PTPRD: variants seen among roughly 807,000 people sequenced by gnomAD.
PTPRD encodes receptor-type tyrosine-protein phosphatase delta.
A neutral mutation model predicts 214.5 loss-of-function variants in PTPRD; 34 were observed. That is an observed-to-expected ratio of 0.16 (90% confidence interval 0.12 to 0.21). The LOEUF is 0.21. Ranked by LOEUF, PTPRD falls within the 10% of genes least tolerant of loss-of-function variation. The pLI is 1.00. For synonymous variants in PTPRD, 1,128 were observed against 845.7 expected (o/e 1.33, Z -5.79); for missense variants, 2,545 against 2,398.7 (o/e 1.06, Z -1.27).
intron 4 of PTPRD, among the ~76,000 whole-genome samples, chr9:9,987,076 G>A (rs1455126218): frequency 6.6e-6 from 1 of 152,030 alleles, no homozygotes; most frequent in Admixed American, 6.6e-5. Context: ...GAGCTTGACT[G>A]GGGAGGAAGT....
At chr9:9,837,075 T>C (rs2056976804) in intron 5 of PTPRD, among the ~76,000 whole-genome samples, 1 of 152,160 alleles carries the variant, frequency 6.6e-6, no homozygotes, top group African/African-American at 2.4e-5. Context: ...ACATACATTC[T>C]TTTCCCTATG....
intron 9 of PTPRD, among the ~76,000 whole-genome samples, chr9:9,383,757 T>C (rs2140431651): frequency 6.6e-6 from 1 of 152,146 alleles, no homozygotes; most frequent in South Asian, 2.1e-4. Context: ...CTCAAGTTAA[T>C]ATTTATTTCT....
intron 8 of PTPRD, among the ~76,000 whole-genome samples, chr9:9,568,371 T>G (rs1320380489): frequency 6.6e-6 from 1 of 151,906 alleles, no homozygotes; most frequent in Non-Finnish European, 1.5e-5. Context: ...TCAGGCTTCC[T>G]AAGTTCCACA....
chr9:9,887,848 A>G (rs912872422), intron 5 of PTPRD, among the ~76,000 whole-genome samples: 48 of 152,152 alleles, frequency 3.2e-4, no homozygotes, highest in Admixed American at 3.1e-3. Context: ...TATTTATGGA[A>G]TATCTATTCC....
chr9:8,857,293 G>T (rs1474449467), intron 11 of PTPRD, among the ~76,000 whole-genome samples: 1 of 152,146 alleles, frequency 6.6e-6, no homozygotes, highest in Non-Finnish European at 1.5e-5. Context: ...AGGGTGGATT[G>T]CCCCACCGCT....
chr9:9,915,314 A>G (rs1472069924), intron 5 of PTPRD, among the ~76,000 whole-genome samples: 1 of 152,118 alleles, frequency 6.6e-6, no homozygotes, highest in African/African-American at 2.4e-5. Context: ...GTAGGAACAC[A>G]TCAAACATAA....
chr9:10,611,868 G>A (rs1315967563), intron 2 of PTPRD, among the ~76,000 whole-genome samples: 3 of 151,128 alleles, frequency 2.0e-5, no homozygotes, highest in African/African-American at 7.3e-5. Flanking sequence ...ATTTTCATCT[G>A]GTCTTTCAAA....
chr9:9,261,546 C>T (rs942278553), intron 9 of PTPRD, among the ~76,000 whole-genome samples: 3 of 151,728 alleles, frequency 2.0e-5, no homozygotes, highest in Non-Finnish European at 4.4e-5. Context: ...ATGATTTTCA[C>T]TTTTAGAGGC....
At chr9:10,422,258 T>G (rs551774154) in intron 2 of PTPRD, among the ~76,000 whole-genome samples, 1 of 152,188 alleles carries the variant, frequency 6.6e-6, no homozygotes, top group African/African-American at 2.4e-5. Flanking sequence ...GCTAGCCATA[T>G]GTAGAAGGCT....
At chr9:9,155,681 C>T (rs1447906434) in intron 10 of PTPRD, among the ~76,000 whole-genome samples, 2 of 152,092 alleles carry the variant, frequency 1.3e-5, no homozygotes, top group Non-Finnish European at 2.9e-5. Flanking sequence ...CATAAAGGTG[C>T]TGCCTGGGCC....
intron 11 of PTPRD, among the ~76,000 whole-genome samples, chr9:8,734,402 G>A (rs1202453099): frequency 2.0e-5 from 3 of 152,178 alleles, no homozygotes; most frequent in Non-Finnish European, 4.4e-5. Flanking sequence ...TGCTTTTTTG[G>A]CATCAGTTGA....
intron 10 of PTPRD, among the ~76,000 whole-genome samples, chr9:9,172,515 G>A (rs974908133): frequency 3.9e-5 from 6 of 151,960 alleles, no homozygotes; most frequent in Non-Finnish European, 7.4e-5. Flanking sequence ...GCATTATCTC[G>A]GGCTCTGTGT....
chr9:8,917,025 C>T (rs1002713475), intron 11 of PTPRD, among the ~76,000 whole-genome samples: 5 of 150,942 alleles, frequency 3.3e-5, no homozygotes, highest in African/African-American at 1.2e-4. Flanking sequence ...TTTCTCTCTG[C>T]ACAAAGACTT....
intron 11 of PTPRD, among the ~76,000 whole-genome samples, chr9:8,988,193 C>T (rs1239314619): frequency 2.0e-5 from 3 of 152,042 alleles, no homozygotes; most frequent in African/African-American, 7.2e-5. Flanking sequence ...ACACCCTCCT[C>T]TTGGACTGAA....
At chr9:8,672,480 G>C (rs2097306347) in intron 12 of PTPRD, among the ~76,000 whole-genome samples, 1 of 152,046 alleles carries the variant, frequency 6.6e-6, no homozygotes, top group Non-Finnish European at 1.5e-5. Flanking sequence ...GGGTTGGGCA[G>C]GATGTTACAG....
chr9:8,837,446 T>A (rs2097454791), intron 11 of PTPRD, among the ~76,000 whole-genome samples: 1 of 152,182 alleles, frequency 6.6e-6, no homozygotes, highest in Non-Finnish European at 1.5e-5. Context: ...TTAATTAAAG[T>A]CAAAATAGGC....
intron 2 of PTPRD, among the ~76,000 whole-genome samples, chr9:10,523,565 T>A (rs1177486845): frequency 5.4e-5 from 7 of 129,842 alleles, no homozygotes; most frequent in African/African-American, 1.7e-4. Context: ...ATCTTTCTAA[T>A]AAAATACCCC....
chr9:10,416,186 A>T (rs1018510481), intron 2 of PTPRD, among the ~76,000 whole-genome samples: 4 of 143,782 alleles, frequency 2.8e-5, no homozygotes, highest in African/African-American at 1.0e-4. Context: ...CACCTCTACT[A>T]AAAAAAAAAA....
chr9:8,389,089 A>T, intron 37 of PTPRD, 143 bp downstream of exon 37: 1 of 549,200 alleles, frequency 1.8e-6, no homozygotes, highest in Non-Finnish European at 2.9e-6. Context: ...GTTTAATTAG[A>T]GTTGTTGATG....
Sources: allele counts gnomAD v4.1 joint callset (sites outside exome capture counted in the v4.1 genomes callset), GRCh38; gene constraint gnomAD v4.1.1; transcripts MANE v1.5; gene names NCBI Gene and HGNC (gene_info 2026-07-23, HGNC 2026-07-21).